JAZF1: variants seen among roughly 807,000 people sequenced by gnomAD.
JAZF1 encodes JAZF zinc finger 1.
In JAZF1, 8 loss-of-function variants were observed where a neutral mutation model predicts 26.4. The observed-to-expected ratio is 0.30, with a 90% CI of 0.18 to 0.55. The LOEUF is 0.55. JAZF1 is among the 20% of genes least tolerant of loss of function. The probability of loss-of-function intolerance (pLI) is 0.94; values close to 1 mark genes in which losing one functional copy is unlikely to be tolerated. For missense variants in JAZF1, 199 were observed against 322.0 expected (o/e 0.62, Z 2.92); for synonymous variants, 126 against 122.3 (o/e 1.03, Z -0.20).
chr7:28,108,963 G>A (rs1048030204), intron 1 of JAZF1, among the ~76,000 whole-genome samples: 1 of 152,182 alleles, frequency 6.6e-6, no homozygotes, highest in African/African-American at 2.4e-5. Flanking sequence ...GACAAGTACT[G>A]TATGATCTCA....
chr7:28,161,434 T>G (rs1183003589), intron 1 of JAZF1, among the ~76,000 whole-genome samples: 1 of 152,114 alleles, frequency 6.6e-6, no homozygotes, highest in Non-Finnish European at 1.5e-5. Flanking sequence ...TTGAAGTGAC[T>G]AGTCAAGGTC....
chr7:28,026,312 TAGGCTGCAGTGGAGG>T (rs1266722787), intron 1 of JAZF1, among the ~76,000 whole-genome samples: 1 of 152,170 alleles, frequency 6.6e-6, no homozygotes, highest in Non-Finnish European at 1.5e-5. Context: ...TGGAGCAGGG[TAGGCTGCAGTGGAGG>T]AAGTCTGTTT....
intron 1 of JAZF1, among the ~76,000 whole-genome samples, chr7:28,132,367 G>A (rs760630590): frequency 6.6e-6 from 1 of 152,154 alleles, no homozygotes; most frequent in Non-Finnish European, 1.5e-5. Context: ...AGGGAGCAAA[G>A]ACTGTTTTAC....
chr7:27,874,223 G>C (rs1023611064), intron 3 of JAZF1, among the ~76,000 whole-genome samples: 3 of 152,228 alleles, frequency 2.0e-5, no homozygotes, highest in African/African-American at 7.2e-5. Context: ...CCACACCACA[G>C]AACCCATGTG....
At chr7:28,047,178 G>A (rs1783510780) in intron 1 of JAZF1, among the ~76,000 whole-genome samples, 1 of 152,086 alleles carries the variant, frequency 6.6e-6, no homozygotes, top group Non-Finnish European at 1.5e-5. Context: ...ATTCTGAGTT[G>A]AAAGTTACCT....
At chr7:28,163,879 T>C (rs899981600) in intron 1 of JAZF1, among the ~76,000 whole-genome samples, 3 of 152,254 alleles carry the variant, frequency 2.0e-5, no homozygotes, top group Admixed American at 6.5e-5. Context: ...GCATCCATAA[T>C]AGATTGGATT....
Position 27,898,311 on chromosome 7 carries a change from G to GTTTT in JAZF1, c.189-2899_189-2896dup, listed in dbSNP as rs370764659. Among the ~76,000 whole-genome samples, 83 of 111,260 alleles carry GTTTT rather than the reference G, an allele frequency of 7.5e-4. 1 individual carries two copies. Among genetic ancestry groups the GTTTT allele is most frequent in the African/African-American group, 2.4e-3 (72 of 29,422 alleles). The allele number at this position is 111,260 out of a possible 152,430, so 73.0% of individuals were successfully genotyped here. Reference sequence around the variant, plus strand: ...CATATATATATATATATATACATCGGTTTTTTTTTTTTTTTTTTTGAGATG... The same window carrying GTTTT: ...CATATATATATATATATATACATCGGTTTTTTTTTTTTTTTTTTTTTTTGAGATG... On this transcript the variant is annotated intron_variant, in intron 2 of 4. Coordinates refer to ENST00000283928, the MANE Select transcript of JAZF1 (RefSeq NM_175061.4).
rs1415884073 is a variant in JAZF1, at chr7:28,110,541, A to G, written c.115+69922T>C. 1.1e-3 allele frequency among the ~76,000 whole-genome samples: 131 copies of G among 116,676 alleles called. 2 individuals carry two copies. The highest frequency in any genetic ancestry group is 3.1e-3 in the African/African-American group (101 of 32,776). The allele number at this position is 116,676 out of a possible 152,430, so 76.5% of individuals were successfully genotyped here. A position where few individuals can be genotyped will look rare whatever the true frequency, so the allele number is the denominator to read the frequency against. ...AAAGGAAAAGGAAAAGGAAAGGAAA[A>G]GGAAAAGGAAAAGGAAAGGGAAAGG... On this transcript the variant is annotated intron_variant, in intron 1 of 4. Transcript: ENST00000283928.
chr7:27,843,681 C>A (rs1782964846), intron 3 of JAZF1: 1 of 152,290 alleles, frequency 6.6e-6, no homozygotes. Flanking sequence ...CAGCCCCCAC[C>A]TCCAAGAGGC....
chr7:28,053,541 G>C (rs1487619398), intron 1 of JAZF1, among the ~76,000 whole-genome samples: 1 of 152,182 alleles, frequency 6.6e-6, no homozygotes, highest in African/African-American at 2.4e-5. Flanking sequence ...TTTTACAGGA[G>C]TGTATTCAGG....
At chr7:28,059,848 T>C (rs1314091223) in intron 1 of JAZF1, among the ~76,000 whole-genome samples, 2 of 152,216 alleles carry the variant, frequency 1.3e-5, no homozygotes, top group African/African-American at 2.4e-5. Context: ...GAAAGCTACA[T>C]GTCTTTTCTC....
At chr7:27,914,935 G>A in intron 2 of JAZF1, 1 of 417,594 alleles carries the variant, frequency 2.4e-6, no homozygotes, top group Non-Finnish European at 5.0e-6. Context: ...TTTACTTTAT[G>A]TAAAGGATTT....
chr7:27,899,717 C>G (rs140031150), intron 2 of JAZF1, among the ~76,000 whole-genome samples: 116 of 152,226 alleles, frequency 7.6e-4, no homozygotes, highest in Middle Eastern at 6.8e-3. Context: ...TGAGCCACTG[C>G]GCCTGACTCA....
At chr7:28,078,398 C>A (rs142234076) in intron 1 of JAZF1, among the ~76,000 whole-genome samples, 2 of 152,224 alleles carry the variant, frequency 1.3e-5, no homozygotes, top group Non-Finnish European at 2.9e-5. Context: ...AAAATGCTCT[C>A]TAAGCTGGAA....
At chr7:28,056,475 C>CACACACACACACAA (rs71555731) in intron 1 of JAZF1, among the ~76,000 whole-genome samples, 5 of 119,916 alleles carry the variant, frequency 4.2e-5, no homozygotes, top group South Asian at 2.8e-4. Flanking sequence ...CACACACACA[C>CACACACACACACAA]AATAAGAAAG....
chr7:27,845,398 C>T (rs999255556), intron 3 of JAZF1, among the ~76,000 whole-genome samples: 4 of 152,100 alleles, frequency 2.6e-5, no homozygotes, highest in African/African-American at 9.7e-5. Context: ...ATCTTGGTGT[C>T]TCAGAAGTTA....
chr7:27,917,113 C>T (rs1274349208), intron 2 of JAZF1, among the ~76,000 whole-genome samples: 1 of 152,200 alleles, frequency 6.6e-6, no homozygotes, highest in Non-Finnish European at 1.5e-5. Flanking sequence ...ACTACAGGCT[C>T]TTACTATGCA....
intron 1 of JAZF1, among the ~76,000 whole-genome samples, chr7:28,018,888 C>T (rs185768069): frequency 2.0e-5 from 3 of 152,216 alleles, no homozygotes; most frequent in East Asian, 3.9e-4. Context: ...CTAAAATTTT[C>T]GTGGTTCAGT....
intron 1 of JAZF1, among the ~76,000 whole-genome samples, chr7:28,098,136 C>G (rs1050346521): frequency 2.0e-5 from 3 of 152,080 alleles, no homozygotes; most frequent in Admixed American, 1.3e-4. Context: ...GGGAGATGAT[C>G]AGGTCATGAG....
Sources: allele counts gnomAD v4.1 joint callset (sites outside exome capture counted in the v4.1 genomes callset), GRCh38; gene constraint gnomAD v4.1.1; transcripts MANE v1.5; gene names NCBI Gene and HGNC (gene_info 2026-07-23, HGNC 2026-07-21).